Variants in DPYS observed in about 807,000 individuals in gnomAD.
DPYS encodes the protein dihydropyrimidinase, also known as dihydropyrimidine amidohydrolase.
Under a neutral mutation model 50.3 loss-of-function variants are expected in DPYS, and 39 were observed. The observed-to-expected ratio is 0.78, with a 90% CI of 0.60 to 1.01. The LOEUF (loss-of-function observed/expected upper bound fraction) is 1.01. DPYS is among the 50% of genes least tolerant of loss of function. The pLI, the probability that DPYS is intolerant of heterozygous loss-of-function variation, is 0.00. For synonymous variants in DPYS, 245 were observed against 250.7 expected (o/e 0.98, Z 0.22); for missense variants, 659 against 680.9 (o/e 0.97, Z 0.36).
At chr8:104,393,856 C>T (rs150322609) in intron 7 of DPYS, among the ~76,000 whole-genome samples, 39 of 152,214 alleles carry the variant, frequency 2.6e-4, no homozygotes, top group Non-Finnish European at 3.2e-4. Flanking sequence ...TATTTGGTTA[C>T]GTGAGTAAGT....
chr8:104,461,129 A>AG, intron 1 of DPYS, among the ~76,000 whole-genome samples: 1 of 150,360 alleles, frequency 6.7e-6, no homozygotes, highest in African/African-American at 2.4e-5. Context: ...ACAAAAAAAA[A>AG]AAAAAATACA....
chr8:104,401,242 A>AT (rs776753433), intron 7 of DPYS, among the ~76,000 whole-genome samples: 1 of 151,954 alleles, frequency 6.6e-6, no homozygotes, highest in Non-Finnish European at 1.5e-5. Flanking sequence ...TGCCTTATGT[A>AT]TTCAGTGTGA....
At position 104,444,305 on chromosome 8, in the gene DPYS, T is replaced by G. The variant is rs139155900; in HGVS notation, c.736A>C (p.Ile246Leu). ...IASAVNCPLY[I>L]VHVMSKSAAK... ...GCAGACTTGCTCATCACATGCACAA[T>G]GTAGAGAGGACAGTTCACAGCGCTG... The change falls in exon 4 of 10, where the codon ATT (isoleucine) becomes CTT (leucine). Residue 246 changes from isoleucine to leucine, a missense_variant. Physicochemically the swap from Ile to Leu is conservative, Grantham distance 5 (BLOSUM62 2). Coordinates refer to ENST00000351513, the MANE Select transcript of DPYS (RefSeq NM_001385.3). The G allele has an allele frequency of 5.0e-6, 8 of 1,614,080 alleles. No homozygotes were observed. Among genetic ancestry groups the G allele is most frequent in the African/African-American group, 2.7e-5 (2 of 74,930 alleles).
At chr8:104,450,037 G>A (rs971637085) in intron 2 of DPYS, among the ~76,000 whole-genome samples, 4 of 151,920 alleles carry the variant, frequency 2.6e-5, no homozygotes, top group Admixed American at 2.6e-4. Context: ...TAAAGTGTGA[G>A]AAGCACTGAT....
Position 104,444,269 on chromosome 8 carries a change from T to C in DPYS, c.772A>G (p.Ile258Val), listed in dbSNP as rs995590833. 1 of 1,614,226 alleles carries C rather than the reference T, an allele frequency of 6.2e-7. No individual in the cohort carries two copies. The change falls in exon 4 of 10, where the codon ATA (isoleucine) becomes GTA (valine). Residue 258 changes from isoleucine (I) to valine (V), a missense_variant. Physicochemically the swap from Ile to Val is conservative, Grantham distance 29 (BLOSUM62 3). Coordinates refer to ENST00000351513, the MANE Select transcript of DPYS (RefSeq NM_001385.3). ...HVMSKSAAKV[I>V]ADARRDGKVV... ...TTACCATCTCTCCTTGCATCCGCTA[T>C]CACCTTAGCTGCAGACTTGCTCATC...
chr8:104,411,805 G>A (rs1299070857), intron 7 of DPYS: 1 of 152,146 alleles, frequency 6.6e-6, no homozygotes, highest in East Asian at 1.9e-4. Flanking sequence ...CACATCTGGG[G>A]AGGCCCTTCC....
chr8:104,396,740 G>C (rs1055370113), intron 7 of DPYS, among the ~76,000 whole-genome samples: 1 of 149,536 alleles, frequency 6.7e-6, no homozygotes, highest in South Asian at 2.1e-4. Flanking sequence ...CAGTGTTCTT[G>C]TTATACTGTT....
rs559528725 is a variant in DPYS, at chr8:104,384,021, G to A, written c.1444-2707C>T. 4.6e-5 allele frequency among the ~76,000 whole-genome samples: 7 copies of A among 152,214 alleles called. No homozygotes were observed. The South Asian group carries it at 6.2e-4, about 14-fold the overall frequency. On this transcript the variant is annotated intron_variant, in intron 8 of 9. Transcript: ENST00000351513. ...GCTGACCATCACATGTCTCTGACCCGACTGGCTGGGTCTAACCTGCACCCT... is the reference window on the plus strand; with the variant it reads ...GCTGACCATCACATGTCTCTGACCCAACTGGCTGGGTCTAACCTGCACCCT...
At chr8:104,408,948 G>A (rs543316093) in intron 7 of DPYS, among the ~76,000 whole-genome samples, 22 of 151,666 alleles carry the variant, frequency 1.5e-4, no homozygotes, top group South Asian at 8.4e-4. Flanking sequence ...CAGGTAGCTC[G>A]GATTACAGGC....
At chr8:104,459,995 C>T (rs1814068693) in intron 1 of DPYS, among the ~76,000 whole-genome samples, 1 of 152,116 alleles carries the variant, frequency 6.6e-6, no homozygotes, top group Non-Finnish European at 1.5e-5. Context: ...AAATCTAGCC[C>T]CCTCGTTGAG....
intron 5 of DPYS, among the ~76,000 whole-genome samples, chr8:104,428,417 C>T (rs1812812785): frequency 6.6e-6 from 1 of 152,220 alleles, no homozygotes; most frequent in East Asian, 1.9e-4. Context: ...TCCGAGACTC[C>T]ATTTCTCATC....
intron 1 of DPYS, among the ~76,000 whole-genome samples, chr8:104,466,289 G>A (rs1342014193): frequency 1.3e-5 from 2 of 152,218 alleles, no homozygotes; most frequent in Admixed American, 1.3e-4. Context: ...ATGTATGGAA[G>A]ATTTGCGACT....
At chr8:104,418,124 G>T (rs374146197) in intron 7 of DPYS, among the ~76,000 whole-genome samples, 1 of 152,298 alleles carries the variant, frequency 6.6e-6, no homozygotes, top group African/African-American at 2.4e-5. Context: ...AAATGCATCC[G>T]TTCTCCAGAG....
chr8:104,466,872 C>G lies in DPYS; in HGVS notation c.49G>C (p.Asp17His). The change falls in exon 1 of 10, where the codon GAT becomes CAT. Residue 17 changes from aspartate to histidine, a missense_variant. Asp to His is a moderately conservative substitution (Grantham distance 81). Coordinates refer to ENST00000351513, the MANE Select transcript of DPYS (RefSeq NM_001385.3). ...ACGTCGGCCACCTCCGAGAAGTCAT[C>G]GTTGACCACGCGACCCCCGCGGATC... ...LLIRGGRVVN[D>H]DFSEVADVLV... 2.0e-6 allele frequency: 3 copies of G among 1,519,772 alleles called. No homozygotes were observed. The highest frequency in any genetic ancestry group is 2.6e-6 in the Non-Finnish European group (3 of 1,139,844). 94.1% of individuals were successfully genotyped at this position (1,519,772 alleles called of 1,614,324 possible). A position where few individuals can be genotyped will look rare whatever the true frequency, so the allele number is the denominator to read the frequency against.
At chr8:104,412,429 T>C (rs1165126918) in intron 7 of DPYS, among the ~76,000 whole-genome samples, 5 of 152,224 alleles carry the variant, frequency 3.3e-5, no homozygotes, top group African/African-American at 9.6e-5. Flanking sequence ...TATATGTCTA[T>C]GTGCGTGTGT....
rs189100868 is a variant in DPYS, at chr8:104,419,140, A to G, written c.1235+5107T>C. 122 of 840,808 alleles carry G rather than the reference A, an allele frequency of 1.5e-4. No individual in the cohort carries two copies. In the African/African-American group the frequency reaches 2.0e-3, roughly 14 times the overall value. 52.1% of individuals were successfully genotyped at this position (840,808 alleles called of 1,614,324 possible). ...TGGAAAATCTTTTCTACTTAAATTC[A>G]TCTTTATCCATTCATTCTTCTAACA... On this transcript the variant is annotated intron_variant, in intron 7 of 9. Transcript: ENST00000351513.
intron 5 of DPYS, among the ~76,000 whole-genome samples, chr8:104,428,350 G>C (rs1425087476): frequency 6.6e-6 from 1 of 152,192 alleles, no homozygotes; most frequent in African/African-American, 2.4e-5. Flanking sequence ...GATGGGTTAG[G>C]AAACCTGAGT....
intron 7 of DPYS, among the ~76,000 whole-genome samples, chr8:104,422,281 A>C (rs1812575028): frequency 6.6e-6 from 1 of 152,236 alleles, no homozygotes. Flanking sequence ...ATGACAGAGA[A>C]TGAAATCAAA....
intron 3 of DPYS, among the ~76,000 whole-genome samples, chr8:104,445,655 G>C (rs113181773): frequency 1.8e-4 from 28 of 152,120 alleles, no homozygotes; most frequent in African/African-American, 6.0e-4. Context: ...GTGGGGAGAG[G>C]GGGGAAGGTA....
Sources: gnomAD v4.1 joint callset for allele counts (sites outside exome capture counted in the v4.1 genomes callset) on GRCh38, gnomAD v4.1.1 for gene constraint, MANE v1.5 for transcripts, NCBI Gene and HGNC (gene_info 2026-07-23, HGNC 2026-07-21) for gene names.